The following ERC2 variants were observed in gnomAD, a reference collection of about 807,000 sequenced individuals.
ERC2 encodes the protein ELKS/RAB6-interacting/CAST family member 2.
Under a neutral mutation model 114.8 loss-of-function variants are expected in ERC2, and 42 were observed. That is an observed-to-expected ratio of 0.37 (90% confidence interval 0.29 to 0.47). The LOEUF (loss-of-function observed/expected upper bound fraction) is 0.47, where lower values mean the gene tolerates loss of function less well. Among genes scored for constraint, ERC2 ranks in the 20% least tolerant of loss-of-function variants. The probability of loss-of-function intolerance (pLI) is 0.99; values close to 1 mark genes in which losing one functional copy is unlikely to be tolerated. For synonymous variants in ERC2, 454 were observed against 425.5 expected (o/e 1.07, Z -0.82); for missense variants, 939 against 1,150.7 (o/e 0.82, Z 2.66).
intron 2 of ERC2, among the ~76,000 whole-genome samples, chr3:56,403,549 G>A (rs184315844): frequency 4.8e-4 from 73 of 152,248 alleles, no homozygotes; most frequent in African/African-American, 1.6e-3. Flanking sequence ...TGTGGTCCAC[G>A]GACCGGCAGT....
chr3:56,408,312 T>C (rs1292155786), intron 2 of ERC2, among the ~76,000 whole-genome samples: 3 of 152,186 alleles, frequency 2.0e-5, no homozygotes, highest in Non-Finnish European at 2.9e-5. Context: ...CCCTATTTTA[T>C]GGATGAGAAA....
At chr3:55,854,368 T>C (rs2061699186) in intron 14 of ERC2, among the ~76,000 whole-genome samples, 2 of 152,214 alleles carry the variant, frequency 1.3e-5, no homozygotes, top group Admixed American at 1.3e-4. Context: ...GTAGTTGTTT[T>C]GTTTTGTTTT....
intron 15 of ERC2, among the ~76,000 whole-genome samples, chr3:55,705,275 C>G (rs1275832146): frequency 6.6e-6 from 1 of 152,130 alleles, no homozygotes; most frequent in Non-Finnish European, 1.5e-5. Flanking sequence ...TGAAAGTTGG[C>G]TTGGCTATAG....
intron 13 of ERC2, among the ~76,000 whole-genome samples, chr3:55,923,855 G>A (rs762581483): frequency 1.7e-4 from 26 of 152,090 alleles, no homozygotes; most frequent in Admixed American, 7.9e-4. Context: ...CTTGCACTGA[G>A]TCCCCTGGGA....
rs116123882 is a variant in ERC2 at position 55,960,102 on chromosome 3, G to C, written c.2268-9542C>G. Among the ~76,000 whole-genome samples, 917 of 152,256 alleles carry C rather than the reference G, an allele frequency of 6.0e-3. 15 individuals carry two copies. Among genetic ancestry groups the C allele is most frequent in the African/African-American group, 0.021 (882 of 41,532 alleles). ...ACCACAGGTCTCTTCTTGCCTCCCT[G>C]GTCTCCCTGCTTCCACTCTTGCTTC... On this transcript the variant is annotated intron_variant, in intron 12 of 17. Coordinates refer to ENST00000288221, the MANE Select transcript of ERC2 (RefSeq NM_015576.3).
chr3:55,736,886 T>C (rs2065668312), intron 14 of ERC2, among the ~76,000 whole-genome samples: 2 of 152,200 alleles, frequency 1.3e-5, no homozygotes, highest in African/African-American at 2.4e-5. Flanking sequence ...GGGATGATTT[T>C]TGCGTAGGAA....
intron 11 of ERC2, among the ~76,000 whole-genome samples, chr3:55,989,818 A>G (rs993735192): frequency 6.6e-6 from 1 of 152,232 alleles, no homozygotes; most frequent in Non-Finnish European, 1.5e-5. Flanking sequence ...CACAGTGAGC[A>G]TAGAATATAC....
chr3:55,868,412 T>C (rs981678418), intron 14 of ERC2, among the ~76,000 whole-genome samples: 2 of 152,228 alleles, frequency 1.3e-5, no homozygotes, highest in African/African-American at 4.8e-5. Context: ...ATTTCTGTTC[T>C]GGTGCCATTG....
chr3:55,576,620 T>G (rs1184654074), intron 17 of ERC2, among the ~76,000 whole-genome samples: 4 of 152,202 alleles, frequency 2.6e-5, no homozygotes, highest in Admixed American at 1.3e-4. Flanking sequence ...GAACATGGCT[T>G]TTCCTCTGAA....
In ERC2 at chr3:55,981,987, G is replaced by C. The variant is rs575415334; in HGVS notation, c.2267+3990C>G. ...CACACAGTCAGTGGGCTCAGGGAAG[G>C]CTTTGGTGGAAGAGGCAACTCCTGC... On this transcript the variant is annotated intron_variant, in intron 12 of 17. Transcript: ENST00000288221. Among the ~76,000 whole-genome samples, 25 of 152,272 alleles carry C rather than the reference G, an allele frequency of 1.6e-4. No homozygotes were observed. In the South Asian group the frequency reaches 4.3e-3, roughly 26 times the overall value.
At chr3:56,075,476 C>G (rs552489516) in intron 7 of ERC2, among the ~76,000 whole-genome samples, 3 of 152,196 alleles carry the variant, frequency 2.0e-5, no homozygotes, top group Middle Eastern at 3.2e-3. Context: ...ATTGGGACCC[C>G]AGATATTCTT....
chr3:55,885,179 A>G (rs1431468246), intron 14 of ERC2, among the ~76,000 whole-genome samples: 1 of 152,216 alleles, frequency 6.6e-6, no homozygotes, highest in African/African-American at 2.4e-5. Context: ...GTTGAATGAA[A>G]AACCAACAAT....
intron 7 of ERC2, among the ~76,000 whole-genome samples, chr3:56,042,607 A>G (rs1452878856): frequency 6.6e-6 from 1 of 152,174 alleles, no homozygotes; most frequent in East Asian, 1.9e-4. Flanking sequence ...TGGACGGGTG[A>G]AAGCAGAAAA....
At chr3:56,009,423 T>C (rs1325599203) in intron 9 of ERC2, among the ~76,000 whole-genome samples, 2 of 152,204 alleles carry the variant, frequency 1.3e-5, no homozygotes, top group Non-Finnish European at 2.9e-5. Flanking sequence ...TCCTCGAAAC[T>C]CCTCTTACTC....
chr3:56,265,331 G>A (rs2053221529), intron 3 of ERC2, among the ~76,000 whole-genome samples: 1 of 152,018 alleles, frequency 6.6e-6, no homozygotes, highest in Non-Finnish European at 1.5e-5. Flanking sequence ...TTCAACAAGG[G>A]CACCAAGAAG....
chr3:56,340,766 T>A (rs1405856081), intron 2 of ERC2, among the ~76,000 whole-genome samples: 2 of 152,160 alleles, frequency 1.3e-5, no homozygotes, highest in African/African-American at 2.4e-5. Flanking sequence ...ACAGACATCT[T>A]CCTTTATAGC....
At position 55,816,942 on chromosome 3, in the gene ERC2, C is replaced by T. The variant is rs75319245; in HGVS notation, c.2564+71447G>A. ...ATGTGCAGCAGTGCAGAGAAAGTGACGAGTGAGCTACCTGACTGTCAAATG... is the reference window on the plus strand; with the variant it reads ...ATGTGCAGCAGTGCAGAGAAAGTGATGAGTGAGCTACCTGACTGTCAAATG... On this transcript the variant is annotated intron_variant, in intron 14 of 17. Coordinates refer to ENST00000288221, the MANE Select transcript of ERC2 (RefSeq NM_015576.3). Among the ~76,000 whole-genome samples, 1,235 of 152,216 alleles carry T rather than the reference C, an allele frequency of 8.1e-3. 14 individuals are homozygous for T. Among genetic ancestry groups the T allele is most frequent in the African/African-American group, 0.029 (1,189 of 41,530 alleles).
rs567012378 is a variant in ERC2 at position 56,346,439 on chromosome 3, T to G, written c.658-50004A>C. ...AAGACCTTGTATTAGTCCATTTTTATGTTGCTATGAAGGAATACCCAAGGC... is the reference window on the plus strand; with the variant it reads ...AAGACCTTGTATTAGTCCATTTTTAGGTTGCTATGAAGGAATACCCAAGGC... On this transcript the variant is annotated intron_variant, in intron 2 of 17. Transcript: ENST00000288221. 1.4e-3 allele frequency among the ~76,000 whole-genome samples: 212 copies of G among 152,298 alleles called. 2 individuals carry two copies. The highest frequency in any genetic ancestry group is 0.013 in the South Asian group (63 of 4,824).
intron 17 of ERC2, among the ~76,000 whole-genome samples, chr3:55,607,505 C>T (rs556197874): frequency 6.6e-6 from 1 of 152,256 alleles, no homozygotes; most frequent in South Asian, 2.1e-4. Context: ...TTGGAGTCTG[C>T]AGCCCTGATT....
Sources: allele counts gnomAD v4.1 joint callset (sites outside exome capture counted in the v4.1 genomes callset), GRCh38; gene constraint gnomAD v4.1.1; transcripts MANE v1.5; gene names NCBI Gene and HGNC (gene_info 2026-07-23, HGNC 2026-07-21).